Variants in TESK2 observed in about 807,000 individuals in gnomAD.
TESK2 encodes the protein dual specificity testis-specific protein kinase 2.
Under a neutral mutation model 57.1 loss-of-function variants are expected in TESK2, and 39 were observed. The ratio of observed to expected loss-of-function variants is 0.68; its 90% confidence interval spans 0.53 to 0.89. The LOEUF (loss-of-function observed/expected upper bound fraction) is 0.89. TESK2 is among the 40% of genes least tolerant of loss of function. The pLI, the probability that TESK2 is intolerant of heterozygous loss-of-function variation, is 0.00. For synonymous variants in TESK2, 249 were observed against 267.9 expected (o/e 0.93, Z 0.69); for missense variants, 646 against 732.1 (o/e 0.88, Z 1.36).
chr1:45,436,181 C>CTTTTTTTTTCTTTT (rs1651208969), intron 2 of TESK2, among the ~76,000 whole-genome samples: 1 of 56,604 alleles, frequency 1.8e-5, no homozygotes, highest in Non-Finnish European at 3.3e-5. Flanking sequence ...TTGGTATCTT[C>CTTTTTTTTTCTTTT]TTTTTTTTTT....
chr1:45,408,989 C>T (rs1649944367), intron 3 of TESK2, among the ~76,000 whole-genome samples: 1 of 152,158 alleles, frequency 6.6e-6, no homozygotes, highest in Non-Finnish European at 1.5e-5. Context: ...CCTTAAAAGA[C>T]TTTGAATAGC....
At chr1:45,399,094 TTCACAG>T (rs2149279516) in intron 3 of TESK2, 1 of 336,528 alleles carries the variant, frequency 3.0e-6, no homozygotes, top group African/African-American at 2.2e-5. Context: ...CATTGCCTTG[TTCACAG>T]TTAGTTCTCA....
intron 3 of TESK2, among the ~76,000 whole-genome samples, chr1:45,400,382 G>A (rs1351809771): frequency 6.6e-6 from 1 of 152,160 alleles, no homozygotes; most frequent in Admixed American, 6.5e-5. Flanking sequence ...TGAGACTCTT[G>A]TCAGACCTCT....
At chr1:45,436,463 G>GCCA in intron 2 of TESK2, among the ~76,000 whole-genome samples, 1 of 138,766 alleles carries the variant, frequency 7.2e-6, no homozygotes, top group Middle Eastern at 4.5e-3. Flanking sequence ...GGGATCATGA[G>GCCA]CCACCGTGCC....
chr1:45,412,782 G>A (rs1037366705), intron 3 of TESK2, among the ~76,000 whole-genome samples: 1 of 152,228 alleles, frequency 6.6e-6, no homozygotes, highest in East Asian at 1.9e-4. Context: ...ATTTTGGGAG[G>A]CCGAGGTGGG....
intron 1 of TESK2, among the ~76,000 whole-genome samples, chr1:45,479,090 T>C (rs1233238128): frequency 1.3e-5 from 2 of 152,136 alleles, no homozygotes; most frequent in South Asian, 2.1e-4. Context: ...AAAATCTCTA[T>C]TTTCCAATTC....
chr1:45,392,270 C>T (rs1187420180), intron 3 of TESK2, among the ~76,000 whole-genome samples: 1 of 152,132 alleles, frequency 6.6e-6, no homozygotes, highest in Non-Finnish European at 1.5e-5. Flanking sequence ...ATTTTTAGTA[C>T]AGACAGGGCT....
At chr1:45,384,603 T>TA (rs1304835271) in intron 4 of TESK2, among the ~76,000 whole-genome samples, 32,473 of 122,050 alleles carry the variant, frequency 0.27, 4,466 homozygotes, top group Admixed American at 0.38. Context: ...ATTTTTTTTT[T>TA]TTTTTTTTTT....
At chr1:45,368,680 GTTGT>G (rs1177365147) in intron 4 of TESK2, among the ~76,000 whole-genome samples, 1 of 150,940 alleles carries the variant, frequency 6.6e-6, no homozygotes, top group African/African-American at 2.4e-5. Context: ...CGGCTGGTTG[GTTGT>G]TTGTTTTTTG....
At chr1:45,483,547 G>A (rs1653325211) in intron 1 of TESK2, among the ~76,000 whole-genome samples, 1 of 151,506 alleles carries the variant, frequency 6.6e-6, no homozygotes, top group South Asian at 2.1e-4. Context: ...GCAGTGAGCT[G>A]TGCCATTGCA....
At chr1:45,410,271 C>T (rs1376135068) in intron 3 of TESK2, among the ~76,000 whole-genome samples, 1 of 152,074 alleles carries the variant, frequency 6.6e-6, no homozygotes, top group Non-Finnish European at 1.5e-5. Flanking sequence ...TCAGAGAGAT[C>T]CACTTTATTA....
At chr1:45,387,426 C>T (rs556270120) in intron 3 of TESK2, among the ~76,000 whole-genome samples, 11 of 151,804 alleles carry the variant, frequency 7.2e-5, no homozygotes, top group Non-Finnish European at 1.3e-4. Flanking sequence ...AGAAGATAAA[C>T]GTCTTAAAGC....
chr1:45,408,196 T>C (rs1452721620), intron 3 of TESK2, among the ~76,000 whole-genome samples: 2 of 152,186 alleles, frequency 1.3e-5, no homozygotes, highest in Non-Finnish European at 2.9e-5. Flanking sequence ...GGCAAATTTT[T>C]TGACAATTTG....
At chr1:45,431,644 G>A (rs1441490982) in intron 2 of TESK2, among the ~76,000 whole-genome samples, 2 of 152,168 alleles carry the variant, frequency 1.3e-5, no homozygotes, top group African/African-American at 2.4e-5. Context: ...CCAGCTTGTG[G>A]ATAAGGGATA....
chr1:45,442,916 G>C (rs533918155), intron 2 of TESK2, among the ~76,000 whole-genome samples: 14 of 152,288 alleles, frequency 9.2e-5, no homozygotes, highest in African/African-American at 3.4e-4. Context: ...CTCCCAAGTA[G>C]CTGGGACTAC....
intron 3 of TESK2, among the ~76,000 whole-genome samples, chr1:45,388,592 A>G (rs1363183646): frequency 1.3e-5 from 2 of 152,158 alleles, no homozygotes; most frequent in East Asian, 3.8e-4. Flanking sequence ...ACTTGTAAAG[A>G]CTAAAATATT....
rs1050657239 is a variant in TESK2, at chr1:45,440,639, C to T, written c.222+16925G>A. 9.2e-5 allele frequency among the ~76,000 whole-genome samples: 14 copies of T among 151,556 alleles called. No homozygotes were observed. The South Asian group carries it at 1.0e-3, about 11-fold the overall frequency. Reference sequence around the variant, plus strand: ...GCTGAGGCAGAAGAATCACTTAAACCGGGGAGGCAGAGGCTGCAGTGAGCC... The same window carrying T: ...GCTGAGGCAGAAGAATCACTTAAACTGGGGAGGCAGAGGCTGCAGTGAGCC... On this transcript the variant is annotated intron_variant, in intron 2 of 10. Coordinates refer to ENST00000372086, the MANE Select transcript of TESK2 (RefSeq NM_007170.3).
intron 4 of TESK2, among the ~76,000 whole-genome samples, chr1:45,384,330 T>A (rs1648774765): frequency 1.4e-5 from 1 of 69,778 alleles, no homozygotes; most frequent in African/African-American, 5.1e-5. Flanking sequence ...ACTCTATGTA[T>A]GTATGTATGT....
At chr1:45,447,048 A>G (rs1651674590) in intron 2 of TESK2, among the ~76,000 whole-genome samples, 1 of 152,088 alleles carries the variant, frequency 6.6e-6, no homozygotes. Flanking sequence ...TGAGACCTCA[A>G]CTCTACAAAT....
Sources: allele counts gnomAD v4.1 joint callset (sites outside exome capture counted in the v4.1 genomes callset), GRCh38; gene constraint gnomAD v4.1.1; transcripts MANE v1.5; gene names NCBI Gene and HGNC (gene_info 2026-07-23, HGNC 2026-07-21).